Variants in ADIPOR2 observed in about 807,000 individuals in gnomAD.
ADIPOR2 encodes the protein adiponectin receptor 2.
In ADIPOR2, 18 loss-of-function variants were observed where a neutral mutation model predicts 40.9. The observed-to-expected ratio is 0.44, with a 90% CI of 0.30 to 0.65. The LOEUF (loss-of-function observed/expected upper bound fraction) is 0.65, where lower values mean the gene tolerates loss of function less well. ADIPOR2 is among the 30% of genes least tolerant of loss of function. The pLI is 0.09. For synonymous variants in ADIPOR2, 165 were observed against 166.4 expected (o/e 0.99, Z 0.06); for missense variants, 283 against 479.2 (o/e 0.59, Z 3.82).
chr12:1,764,214 T>A (rs2154443874), intron 2 of ADIPOR2, among the ~76,000 whole-genome samples: 1 of 152,258 alleles, frequency 6.6e-6, no homozygotes, highest in African/African-American at 2.4e-5. Flanking sequence ...ATTTCTGTGG[T>A]CCCCGACACT....
At chr12:1,696,424 C>CTT (rs2094639066) in intron 1 of ADIPOR2, 1 of 141,124 alleles carries the variant, frequency 7.1e-6, no homozygotes, top group Non-Finnish European at 1.5e-5. Flanking sequence ...GTTACAGCGT[C>CTT]TTACTCTGTT....
At chr12:1,702,885 G>A (rs1403483313) in intron 1 of ADIPOR2, 1 of 152,168 alleles carries the variant, frequency 6.6e-6, no homozygotes, top group East Asian at 1.9e-4. Flanking sequence ...CATTTCTTCA[G>A]TTGATCTCCC....
At position 1,710,327 on chromosome 12, in the gene ADIPOR2, G is replaced by A. The variant is rs892739105; in HGVS notation, c.-87+19136G>A. 1.1e-4 allele frequency among the ~76,000 whole-genome samples: 16 copies of A among 152,118 alleles called. No individual in the cohort carries two copies. In the East Asian group the frequency reaches 1.9e-3, roughly 18 times the overall value. ...TTGCTGCTGCTCACTCTTTGGGTCC[G>A]TGCCACCTTTAAGAGCTGTAACACT... On this transcript the variant is annotated intron_variant, in intron 1 of 7. Transcript: ENST00000357103.
intron 1 of ADIPOR2, among the ~76,000 whole-genome samples, chr12:1,746,881 T>C (rs779866274): frequency 2.6e-5 from 4 of 152,102 alleles, no homozygotes; most frequent in Non-Finnish European, 5.9e-5. Context: ...ATTAAAAAAT[T>C]AGCTGGGCAT....
chr12:1,692,401 C>G (rs562560371), intron 1 of ADIPOR2, among the ~76,000 whole-genome samples: 1 of 152,320 alleles, frequency 6.6e-6, no homozygotes, highest in South Asian at 2.1e-4. Flanking sequence ...TTGTGATGAT[C>G]TGCAACTAAA....
At chr12:1,716,773 T>G (rs2094688459) in intron 1 of ADIPOR2, among the ~76,000 whole-genome samples, 1 of 152,264 alleles carries the variant, frequency 6.6e-6, no homozygotes, top group Non-Finnish European at 1.5e-5. Context: ...CTTTAAAACC[T>G]TAGCAATTTT....
At chr12:1,742,062 A>G (rs2094743970) in intron 1 of ADIPOR2, among the ~76,000 whole-genome samples, 1 of 151,068 alleles carries the variant, frequency 6.6e-6, no homozygotes, top group African/African-American at 2.4e-5. Context: ...GGAGTCAGAG[A>G]ATTGTGAGAG....
intron 1 of ADIPOR2, among the ~76,000 whole-genome samples, chr12:1,699,425 C>T (rs1398074127): frequency 6.6e-6 from 1 of 152,152 alleles, no homozygotes; most frequent in East Asian, 1.9e-4. Flanking sequence ...TGAGACCAGC[C>T]TGGCCAACAT....
chr12:1,752,286 T>C (rs2154443421), intron 1 of ADIPOR2, among the ~76,000 whole-genome samples: 1 of 131,162 alleles, frequency 7.6e-6, no homozygotes, highest in South Asian at 2.7e-4. Context: ...CAGGCTGGAG[T>C]GCAGTGGCGT....
At chr12:1,776,192 A>T (rs1039958825) in intron 3 of ADIPOR2, among the ~76,000 whole-genome samples, 1 of 152,224 alleles carries the variant, frequency 6.6e-6, no homozygotes, top group Non-Finnish European at 1.5e-5. Flanking sequence ...TGGAGATGTT[A>T]CACAGAGGAT....
At chr12:1,694,526 T>G (rs1362018092) in intron 1 of ADIPOR2, among the ~76,000 whole-genome samples, 1 of 152,166 alleles carries the variant, frequency 6.6e-6, no homozygotes, top group Non-Finnish European at 1.5e-5. Flanking sequence ...CTGTATTGTT[T>G]GGGGAATAAA....
At chr12:1,728,227 C>T (rs557250124) in intron 1 of ADIPOR2, among the ~76,000 whole-genome samples, 2 of 151,990 alleles carry the variant, frequency 1.3e-5, no homozygotes, top group South Asian at 2.1e-4. Flanking sequence ...ATTCTCCTGC[C>T]TCAGCCTCCC....
intron 1 of ADIPOR2, among the ~76,000 whole-genome samples, chr12:1,734,432 T>C (rs1195125248): frequency 6.6e-6 from 1 of 152,250 alleles, no homozygotes; most frequent in East Asian, 1.9e-4. Flanking sequence ...TCTGTTCATA[T>C]CCTTTGCCCA....
At chr12:1,782,430 G>T (rs1271677410) in intron 6 of ADIPOR2, among the ~76,000 whole-genome samples, 2 of 152,220 alleles carry the variant, frequency 1.3e-5, no homozygotes, top group Non-Finnish European at 2.9e-5. Context: ...TGTAGGAGCA[G>T]TTACTGGCAG....
At chr12:1,701,688 C>T (rs1277029066) in intron 1 of ADIPOR2, among the ~76,000 whole-genome samples, 10 of 152,084 alleles carry the variant, frequency 6.6e-5, no homozygotes, top group Non-Finnish European at 1.3e-4. Context: ...TGAATATAGC[C>T]AGATAAAATT....
intron 3 of ADIPOR2, among the ~76,000 whole-genome samples, chr12:1,777,190 G>T (rs908784877): frequency 2.3e-5 from 3 of 132,278 alleles, no homozygotes; most frequent in Non-Finnish European, 4.8e-5. Context: ...AACACCACAG[G>T]GATTTATCAG....
intron 1 of ADIPOR2, among the ~76,000 whole-genome samples, chr12:1,722,107 A>T (rs987775707): frequency 6.6e-6 from 1 of 152,206 alleles, no homozygotes; most frequent in Non-Finnish European, 1.5e-5. Context: ...GGAATTTAGG[A>T]GACCTCTGGA....
chr12:1,753,445 C>A (rs991972486), intron 1 of ADIPOR2, among the ~76,000 whole-genome samples: 5 of 152,190 alleles, frequency 3.3e-5, no homozygotes, highest in Non-Finnish European at 7.3e-5. Context: ...GAGATATTAT[C>A]AAATATTCAT....
intron 1 of ADIPOR2, among the ~76,000 whole-genome samples, chr12:1,700,697 A>G (rs2094648314): frequency 6.6e-6 from 1 of 151,966 alleles, no homozygotes; most frequent in Non-Finnish European, 1.5e-5. Flanking sequence ...AACAAGACCA[A>G]TTTTTCAGGG....
Sources: allele counts gnomAD v4.1 joint callset (sites outside exome capture counted in the v4.1 genomes callset), GRCh38; gene constraint gnomAD v4.1.1; transcripts MANE v1.5; gene names NCBI Gene and HGNC (gene_info 2026-07-23, HGNC 2026-07-21).